The following LRIG3 variants were observed in gnomAD, a reference collection of about 807,000 sequenced individuals.
The protein encoded by LRIG3 is leucine-rich repeats and immunoglobulin-like domains protein 3.
In LRIG3, 76 loss-of-function variants were observed where a neutral mutation model predicts 114.5. The observed-to-expected ratio is 0.66, with a 90% CI of 0.55 to 0.80. The LOEUF (loss-of-function observed/expected upper bound fraction) is 0.80. Ranked by LOEUF, LRIG3 falls within the 30% of genes least tolerant of loss-of-function variation. The pLI, the probability that LRIG3 is intolerant of heterozygous loss-of-function variation, is 0.00. For synonymous variants in LRIG3, 512 were observed against 519.8 expected, an observed-to-expected ratio of 0.98 and a Z score of 0.20; for missense variants, 1,239 against 1,382.8, an observed-to-expected ratio of 0.90 and a Z score of 1.65.
chr12:58,880,319 A>G, intron 13 of LRIG3: 2 of 585,224 alleles, frequency 3.4e-6, no homozygotes, highest in East Asian at 3.4e-5. Flanking sequence ...AAAAAGAAAA[A>G]GAAAAAAAAA....
At chr12:58,912,276 T>C (rs1223636436) in intron 3 of LRIG3, among the ~76,000 whole-genome samples, 1 of 152,038 alleles carries the variant, frequency 6.6e-6, no homozygotes, top group East Asian at 1.9e-4. Context: ...GCGGGAGGAT[T>C]ACGAGGTCAG....
chr12:58,904,392 G>T (rs1197189201), intron 3 of LRIG3, among the ~76,000 whole-genome samples: 1 of 152,122 alleles, frequency 6.6e-6, no homozygotes, highest in Non-Finnish European at 1.5e-5. Context: ...TCTCCTTTTG[G>T]CACAGAGAAG....
intron 2 of LRIG3, 29 bp from the exon 3 acceptor site, chr12:58,914,085 G>C (rs765684971): frequency 6.3e-7 from 1 of 1,578,452 alleles, no homozygotes. Context: ...AAAAGAAAAA[G>C]AAAAGCTGAT....
At position 58,877,384 on chromosome 12, in the gene LRIG3, G is replaced by C; in HGVS notation, c.2536+16C>G. On this transcript the variant is annotated intron_variant, in intron 15 of 18. Coordinates refer to ENST00000320743, the MANE Select transcript of LRIG3 (RefSeq NM_153377.5). Reference sequence around the variant, plus strand: ...ACATGACTCCGGTGACCTGTGCCAAGCTTCTGTTTACACACCTGTGTTGGT... The same window carrying C: ...ACATGACTCCGGTGACCTGTGCCAACCTTCTGTTTACACACCTGTGTTGGT... 1 of 1,609,336 alleles carries C rather than the reference G, an allele frequency of 6.2e-7. No individual in the cohort carries two copies. The highest frequency in any genetic ancestry group is 8.5e-7 in the Non-Finnish European group (1 of 1,176,322).
intron 5 of LRIG3, 115 bp from the exon 6 acceptor site, chr12:58,889,077 G>T: frequency 3.1e-6 from 3 of 958,630 alleles, no homozygotes; most frequent in Non-Finnish European, 3.0e-6. Flanking sequence ...TACATACAGT[G>T]TTTTCAGTTT....
rs74099542 is a variant in LRIG3 at position 58,876,251 on chromosome 12, G to C, written c.2695+194C>G. ...ACCTACTAGTCTTTTTTTATTGTTA[G>C]AAACAAAGATTTATTTCTTTCCTAG... On this transcript the variant is annotated intron_variant, in intron 16 of 18. Coordinates refer to ENST00000320743, the MANE Select transcript of LRIG3 (RefSeq NM_153377.5). 6.0e-3 allele frequency among the ~76,000 whole-genome samples: 919 copies of C among 152,118 alleles called. 6 individuals carry two copies. The highest frequency in any genetic ancestry group is 0.02 in the African/African-American group (828 of 41,468).
At chr12:58,892,061 A>G (rs1871473890) in intron 3 of LRIG3, among the ~76,000 whole-genome samples, 1 of 152,120 alleles carries the variant, frequency 6.6e-6, no homozygotes, top group Non-Finnish European at 1.5e-5. Flanking sequence ...AAAAGAAGTC[A>G]TTTCAAAGTT....
At chr12:58,906,626 A>C (rs1872076902) in intron 3 of LRIG3, among the ~76,000 whole-genome samples, 1 of 152,136 alleles carries the variant, frequency 6.6e-6, no homozygotes, top group Admixed American at 6.5e-5. Context: ...ATTTGTGATC[A>C]CTATGGCCAA....
chr12:58,888,213 A>G (rs1565616914), intron 7 of LRIG3, 116 bp downstream of exon 7: 1 of 1,284,398 alleles, frequency 7.8e-7, no homozygotes, highest in Non-Finnish European at 1.1e-6. Context: ...CATGTGAAAA[A>G]AGCTGTCACC....
At chr12:58,913,854 G>A (rs1365790924) in intron 3 of LRIG3, 128 bp downstream of exon 3, 19 of 716,806 alleles carry the variant, frequency 2.7e-5, no homozygotes, top group South Asian at 1.8e-4. Flanking sequence ...TTTAAAGCGC[G>A]TATCTTTACT....
chr12:58,912,193 C>T (rs572987820), intron 3 of LRIG3, among the ~76,000 whole-genome samples: 20 of 152,238 alleles, frequency 1.3e-4, no homozygotes, highest in African/African-American at 4.8e-4. Flanking sequence ...TAAGTTATAA[C>T]GTTAAAGTGT....
At chr12:58,888,983 G>A in intron 5 of LRIG3, 21 bp from the exon 6 acceptor site, 1 of 1,605,556 alleles carries the variant, frequency 6.2e-7, no homozygotes, top group Non-Finnish European at 8.5e-7. Flanking sequence ...TATTACAAGA[G>A]TTAGCTTATA....
chr12:58,915,716 G>C (rs367553413), intron 1 of LRIG3, among the ~76,000 whole-genome samples: 1 of 152,132 alleles, frequency 6.6e-6, no homozygotes, highest in Non-Finnish European at 1.5e-5. Flanking sequence ...TGCTGTGCAT[G>C]CTCACCACGC....
rs1160621175 is a variant in LRIG3, at chr12:58,888,755, G to A, written c.803+64C>T. The A allele has an allele frequency of 1.0e-5, 16 of 1,562,734 alleles. No homozygotes were observed. In the Admixed American group the frequency reaches 2.8e-4, roughly 28 times the overall value. On this transcript the variant is annotated intron_variant, in intron 6 of 18. Coordinates refer to ENST00000320743, the MANE Select transcript of LRIG3 (RefSeq NM_153377.5). ...CATAGGATTTCACATAAGACCTGCTGAATGTACACTGAGCATTCTATGATC... is the reference window on the plus strand; with the variant it reads ...CATAGGATTTCACATAAGACCTGCTAAATGTACACTGAGCATTCTATGATC...
chr12:58,888,354 C>G lies in LRIG3; in HGVS notation c.922G>C (p.Glu308Gln). 1 of 1,613,374 alleles carries G rather than the reference C, an allele frequency of 6.2e-7. No homozygotes were observed. Among genetic ancestry groups the G allele is most frequent in the African/African-American group, 1.3e-5 (1 of 75,002 alleles). Residue 308 changes from glutamate to glutamine, a missense_variant, in exon 7 of 19, where the codon GAG (glutamate) becomes CAG (glutamine). Glu to Gln is a conservative substitution (Grantham distance 29). Coordinates refer to ENST00000320743, the MANE Select transcript of LRIG3 (RefSeq NM_153377.5). ...AINRISPDAWEFCQKLSELDL... is the reference protein window; with the variant it reads ...AINRISPDAWQFCQKLSELDL... ...AGCTCACTGAGCTTCTGGCAGAACT[C>G]CCAGGCATCAGGGCTGATCCTGTTG...
intron 1 of LRIG3, among the ~76,000 whole-genome samples, chr12:58,915,725 G>A (rs1208171470): frequency 1.3e-5 from 2 of 152,040 alleles, no homozygotes; most frequent in Non-Finnish European, 2.9e-5. Flanking sequence ...TGCTCACCAC[G>A]CTGGCTGGAG....
intron 3 of LRIG3, among the ~76,000 whole-genome samples, chr12:58,891,104 T>A (rs1871442670): frequency 6.6e-6 from 1 of 152,230 alleles, no homozygotes; most frequent in Non-Finnish European, 1.5e-5. Context: ...TTCTTTTTTT[T>A]TAAAAATTTT....
chr12:58,884,419 C>A (rs753826308), intron 10 of LRIG3, among the ~76,000 whole-genome samples: 3 of 152,202 alleles, frequency 2.0e-5, no homozygotes, highest in South Asian at 2.1e-4. Context: ...AAGAAGGGAC[C>A]AGACATGGCT....
rs1228321208 is a variant in LRIG3, at chr12:58,872,699, T to A, written c.3233A>T (p.Asp1078Val). The change falls in exon 19 of 19, where the codon GAC becomes GTC. Residue 1078 changes from aspartate to valine, a missense_variant. Coordinates refer to ENST00000320743, the MANE Select transcript of LRIG3 (RefSeq NM_153377.5). ...YLKAHSSPDL[D>V]SGSEEDGKER... The stretch of plus-strand genomic sequence containing the variant: ...TTTCCCATCTTCCTCTGACCCAGAG[T>A]CCAAGTCTGGGGAAGAATGAGCTTT... 1.2e-6 allele frequency: 2 copies of A among 1,613,970 alleles called. No homozygotes were observed. The highest frequency in any genetic ancestry group is 1.7e-6 in the Non-Finnish European group (2 of 1,179,988).
Sources: gnomAD v4.1 joint callset for allele counts (sites outside exome capture counted in the v4.1 genomes callset) on GRCh38, gnomAD v4.1.1 for gene constraint, MANE v1.5 for transcripts, NCBI Gene and HGNC (gene_info 2026-07-23, HGNC 2026-07-21) for gene names.